Variants in CSMD3 observed in about 807,000 individuals in gnomAD.
The protein encoded by CSMD3 is CUB and Sushi multiple domains 3, also known as CUB and sushi domain-containing protein 3.
A neutral mutation model predicts 435.2 loss-of-function variants in CSMD3; 177 were observed. The ratio of observed to expected loss-of-function variants is 0.41; its 90% CI spans 0.36 to 0.46. The LOEUF (loss-of-function observed/expected upper bound fraction) is 0.46. CSMD3 is among the 20% of genes least tolerant of loss of function. The probability of loss-of-function intolerance (pLI) is 0.34; values close to 1 mark genes in which losing one functional copy is unlikely to be tolerated. For missense variants in CSMD3, 4,265 were observed against 4,504.6 expected (o/e 0.95, Z 1.52); for synonymous variants, 1,656 against 1,520.5 (o/e 1.09, Z -2.07).
In CSMD3 at chr8:112,310,994, T is replaced by G. The variant is rs1403540354; in HGVS notation, c.7869A>C (p.Pro2623=). ...SSYGYHAWDA[P]VPACQAISCG... ...ATACTTCACCTTGACAGGCAGGGAC[T>G]GGCGCATCCCATGCATGATACCCAT... Residue 2623 remains proline (P), a synonymous_variant, in exon 50 of 71, where the codon CCA becomes CCC. Coordinates refer to ENST00000297405, the MANE Select transcript of CSMD3 (RefSeq NM_198123.2). The G allele has an allele frequency of 1.2e-6, 2 of 1,613,866 alleles. No individual in the cohort carries two copies. The highest frequency in any genetic ancestry group is 2.7e-5 in the African/African-American group (2 of 74,916).
chr8:112,712,369 T>C (rs2076627802), intron 13 of CSMD3, among the ~76,000 whole-genome samples: 1 of 152,208 alleles, frequency 6.6e-6, no homozygotes, highest in South Asian at 2.1e-4. Flanking sequence ...ATTTAGTTTC[T>C]ATTAAACAGA....
intron 3 of CSMD3, among the ~76,000 whole-genome samples, chr8:113,225,432 AAT>A (rs1020509148): frequency 1.1e-4 from 17 of 151,654 alleles, no homozygotes; most frequent in African/African-American, 3.9e-4. Context: ...AATTTATCTG[AAT>A]ATGTTAAGAA....
intron 17 of CSMD3, among the ~76,000 whole-genome samples, chr8:112,656,915 T>G (rs1339719383): frequency 1.3e-5 from 2 of 152,150 alleles, no homozygotes; most frequent in African/African-American, 4.8e-5. Flanking sequence ...ACATTTGATG[T>G]TTATTAAAGT....
At chr8:112,476,893 ACT>A (rs1294267903) in intron 31 of CSMD3, among the ~76,000 whole-genome samples, 1 of 151,956 alleles carries the variant, frequency 6.6e-6, no homozygotes, top group Non-Finnish European at 1.5e-5. Context: ...GTGCTCTTTG[ACT>A]CTCAGCTCCA....
At chr8:112,938,577 A>G (rs1410793414) in intron 9 of CSMD3, among the ~76,000 whole-genome samples, 1 of 152,168 alleles carries the variant, frequency 6.6e-6, no homozygotes, top group African/African-American at 2.4e-5. Flanking sequence ...CAGCTGATTA[A>G]GGGTGGAGGC....
At chr8:112,472,971 G>T (rs933147664) in intron 31 of CSMD3, among the ~76,000 whole-genome samples, 1 of 152,028 alleles carries the variant, frequency 6.6e-6, no homozygotes, top group African/African-American at 2.4e-5. Context: ...GAAATATAAT[G>T]GTGGCCCACC....
At chr8:112,292,487 T>C (rs1819862775) in intron 55 of CSMD3, 50 bp downstream of exon 55, 1 of 1,575,802 alleles carries the variant, frequency 6.3e-7, no homozygotes, top group Non-Finnish European at 8.7e-7. Flanking sequence ...CTGATGTTTA[T>C]GTGAATATTA....
At chr8:112,575,423 C>T (rs1405085914) in intron 23 of CSMD3, among the ~76,000 whole-genome samples, 1 of 152,054 alleles carries the variant, frequency 6.6e-6, no homozygotes, top group African/African-American at 2.4e-5. Flanking sequence ...GCGACATGGT[C>T]ATTGAATTCC....
intron 5 of CSMD3, among the ~76,000 whole-genome samples, chr8:113,072,868 C>G (rs1032074200): frequency 6.6e-6 from 1 of 151,680 alleles, no homozygotes; most frequent in Non-Finnish European, 1.5e-5. Flanking sequence ...TTGTTCTTAT[C>G]ATCACCCACG....
At chr8:113,046,991 ACTAT>A (rs1230480125) in intron 5 of CSMD3, among the ~76,000 whole-genome samples, 7 of 152,204 alleles carry the variant, frequency 4.6e-5, no homozygotes, top group Non-Finnish European at 7.3e-5. Context: ...AGATGAGGCG[ACTAT>A]CTAAGTTGGC....
At chr8:113,166,640 A>T (rs2092155568) in intron 4 of CSMD3, among the ~76,000 whole-genome samples, 1 of 152,100 alleles carries the variant, frequency 6.6e-6, no homozygotes, top group Non-Finnish European at 1.5e-5. Flanking sequence ...TATATTTTCA[A>T]AAACGATGTC....
intron 10 of CSMD3, among the ~76,000 whole-genome samples, chr8:112,865,921 T>C (rs1193098698): frequency 6.6e-6 from 1 of 152,182 alleles, no homozygotes. Context: ...GTTTATCATT[T>C]ATGTCTTCCA....
chr8:112,718,669 A>G (rs1007364733), intron 13 of CSMD3, among the ~76,000 whole-genome samples: 1 of 151,996 alleles, frequency 6.6e-6, no homozygotes, highest in Non-Finnish European at 1.5e-5. Context: ...ATCTTTTAGG[A>G]CTTATGTAAG....
intron 18 of CSMD3, among the ~76,000 whole-genome samples, chr8:112,653,021 T>C (rs1391936725): frequency 6.6e-6 from 1 of 152,126 alleles, no homozygotes; most frequent in Non-Finnish European, 1.5e-5. Flanking sequence ...TTCACCACGT[T>C]GGCCAGGCTG....
intron 24 of CSMD3, 90 bp downstream of exon 24, chr8:112,573,411 T>C (rs1829692382): frequency 2.8e-6 from 3 of 1,072,250 alleles, no homozygotes; most frequent in African/African-American, 1.6e-5. Context: ...TAATCAAATA[T>C]TGGATATCAT....
chr8:112,672,541 A>G (rs373390091), intron 16 of CSMD3, among the ~76,000 whole-genome samples: 2 of 152,038 alleles, frequency 1.3e-5, no homozygotes, highest in African/African-American at 2.4e-5. Flanking sequence ...TTGGTTAGGT[A>G]TGTGGACCAC....
At chr8:113,131,380 T>A (rs559703887) in intron 4 of CSMD3, among the ~76,000 whole-genome samples, 1 of 152,052 alleles carries the variant, frequency 6.6e-6, no homozygotes, top group African/African-American at 2.4e-5. Context: ...GGACATGGTG[T>A]CATGTGTCTG....
At chr8:113,435,767 G>A (rs1464220631) in intron 1 of CSMD3, among the ~76,000 whole-genome samples, 5 of 152,156 alleles carry the variant, frequency 3.3e-5, no homozygotes, top group African/African-American at 1.2e-4. Context: ...AGTATTCTTT[G>A]CAGCAATTAA....
intron 1 of CSMD3, among the ~76,000 whole-genome samples, chr8:113,426,584 C>T (rs1483937738): frequency 6.6e-6 from 1 of 151,142 alleles, no homozygotes; most frequent in Non-Finnish European, 1.5e-5. Context: ...CAAAACACAG[C>T]TGTAAGTTTT....
Sources: allele counts gnomAD v4.1 joint callset (sites outside exome capture counted in the v4.1 genomes callset), GRCh38; gene constraint gnomAD v4.1.1; transcripts MANE v1.5; gene names NCBI Gene and HGNC (gene_info 2026-07-23, HGNC 2026-07-21).